Variants in HEATR6 observed in about 807,000 individuals in gnomAD.
HEATR6 encodes the protein HEAT repeat containing 6, also known as HEAT repeat-containing protein 6.
A neutral mutation model predicts 132.8 loss-of-function variants in HEATR6; 106 were observed. The observed-to-expected ratio is 0.80, with a 90% CI of 0.68 to 0.94. The LOEUF is 0.94. HEATR6 is among the 40% of genes least tolerant of loss of function. HEATR6 has a pLI of 0.00. For synonymous variants in HEATR6, 529 were observed against 537.8 expected (o/e 0.98, Z 0.23); for missense variants, 1,339 against 1,425.1 (o/e 0.94, Z 0.97).
At chr17:60,062,616 A>G (rs1419314966) in intron 9 of HEATR6, among the ~76,000 whole-genome samples, 1 of 152,178 alleles carries the variant, frequency 6.6e-6, no homozygotes, top group Non-Finnish European at 1.5e-5. Flanking sequence ...TGAAGTTTCC[A>G]TGCAGGGCAC....
In HEATR6 at chr17:60,043,262, C is replaced by T. The variant is rs1906243128; in HGVS notation, c.*301G>A. The T allele has an allele frequency of 1.2e-5, 4 of 338,216 alleles. No homozygotes were observed. The Admixed American group carries it at 1.4e-4, about 12-fold the overall frequency. 21.0% of individuals were successfully genotyped at this position (338,216 alleles called of 1,614,324 possible). A position where few individuals can be genotyped will look rare whatever the true frequency, so the allele number is the denominator to read the frequency against. On this transcript the variant is annotated 3_prime_UTR_variant, in exon 20 of 20. Transcript: ENST00000184956. ...AAATTCTAATTCCGAAATCCTTCTACATTTTTTTTTTCTGAGACTAAATGC... is the reference window on the plus strand; with the variant it reads ...AAATTCTAATTCCGAAATCCTTCTATATTTTTTTTTTCTGAGACTAAATGC...
intron 10 of HEATR6, 114 bp from the exon 11 acceptor site, chr17:60,059,635 C>G (rs1217382703): frequency 1.3e-5 from 9 of 716,954 alleles, no homozygotes; most frequent in Non-Finnish European, 1.2e-5. Context: ...AAATTAGCCC[C>G]CCTTTTTTTT....
Position 60,073,732 on chromosome 17 carries a change from G to C in HEATR6, c.468+14C>G. The C allele has an allele frequency of 1.2e-6, 2 of 1,612,602 alleles. No individual in the cohort carries two copies. The highest frequency in any genetic ancestry group is 1.7e-6 in the Non-Finnish European group (2 of 1,179,226). ...CCTGGCCTTTCAAAGGAAGGATAAAGCACTTTAAACTACCTTTTGACATTT... is the reference window on the plus strand; with the variant it reads ...CCTGGCCTTTCAAAGGAAGGATAAACCACTTTAAACTACCTTTTGACATTT... On this transcript the variant is annotated intron_variant, in intron 3 of 19. Transcript: ENST00000184956.
intron 9 of HEATR6, among the ~76,000 whole-genome samples, chr17:60,065,352 T>C (rs2083235146): frequency 6.6e-6 from 1 of 152,246 alleles, no homozygotes; most frequent in Admixed American, 6.5e-5. Context: ...TCCAACGTAT[T>C]GTGGGTTACC....
chr17:60,058,511 A>G (rs909097835), intron 11 of HEATR6, among the ~76,000 whole-genome samples: 9 of 152,246 alleles, frequency 5.9e-5, no homozygotes, highest in Non-Finnish European at 1.0e-4. Flanking sequence ...TATTTCTGCC[A>G]TGAATGTGAT....
intron 6 of HEATR6, 147 bp downstream of exon 6, chr17:60,070,559 T>C: frequency 3.9e-6 from 2 of 507,790 alleles, no homozygotes; most frequent in Non-Finnish European, 3.5e-6. Flanking sequence ...TAAGTGTCTT[T>C]GAATATGAAC....
rs1413881883 is a variant in HEATR6, at chr17:60,043,776, T to A, written c.3333A>T (p.Lys1111Asn). 1 of 1,614,166 alleles carries A rather than the reference T, an allele frequency of 6.2e-7. No homozygotes were observed. Among genetic ancestry groups the A allele is most frequent in the Admixed American group, 1.7e-5 (1 of 60,018 alleles). ...CAGTGTCATCTCCCTCTGCTCCTGA[T>A]TTTAAAAACTGTAGAATATAGGACT... ...MVQSYILQFLKSGAEGDDTGA... is the reference protein window; with the variant it reads ...MVQSYILQFLNSGAEGDDTGA... Residue 1111 changes from lysine (K) to asparagine (N), a missense_variant, in exon 20 of 20, where the codon AAA (lysine) becomes AAT (asparagine). Coordinates refer to ENST00000184956, the MANE Select transcript of HEATR6 (RefSeq NM_022070.5).
At position 60,072,361 on chromosome 17, in the gene HEATR6, C is replaced by T. The variant is rs369437053; in HGVS notation, c.585-32G>A. The T allele has an allele frequency of 4.0e-5, 50 of 1,238,778 alleles. No homozygotes were observed. The African/African-American group carries it at 7.4e-4, about 18-fold the overall frequency. 76.7% of individuals were successfully genotyped at this position (1,238,778 alleles called of 1,614,324 possible). ...GCATACAGAGAAAACAACTCAAACT[C>T]AGTCTCCTTTAAAATGAGGCTTGCA... On this transcript the variant is annotated intron_variant, in intron 4 of 19. Transcript: ENST00000184956.
intron 6 of HEATR6, 36 bp downstream of exon 6, chr17:60,070,670 C>A (rs1278949674): frequency 3.3e-6 from 4 of 1,222,784 alleles, no homozygotes; most frequent in Non-Finnish European, 4.9e-6. Context: ...TGGGTTGAAA[C>A]AGGAAAGACA....
At chr17:60,067,860 G>A in intron 7 of HEATR6, 128 bp from the exon 8 acceptor site, 4 of 771,712 alleles carry the variant, frequency 5.2e-6, no homozygotes, top group South Asian at 2.0e-5. Context: ...AAGAAGAAAA[G>A]AGAAAAGAAA....
In HEATR6 at chr17:60,044,089, A is replaced by G; in HGVS notation, c.3020T>C (p.Val1007Ala). The G allele has an allele frequency of 6.2e-7, 1 of 1,613,836 alleles. No homozygotes were observed. The highest frequency in any genetic ancestry group is 8.5e-7 in the Non-Finnish European group (1 of 1,179,834). ...TSQAYNALTSVVTSCKNFKVR... is the reference protein window; with the variant it reads ...TSQAYNALTSAVTSCKNFKVR... ...TTTGAAGTTCTTGCATGATGTCACGACCGATGTCAGGGCATTGTAGGCCTG... is the reference window on the plus strand; with the variant it reads ...TTTGAAGTTCTTGCATGATGTCACGGCCGATGTCAGGGCATTGTAGGCCTG... Residue 1007 changes from valine to alanine, a missense_variant, in exon 20 of 20, where the codon GTC becomes GCC. Coordinates refer to ENST00000184956, the MANE Select transcript of HEATR6 (RefSeq NM_022070.5).
Position 60,044,000 on chromosome 17 carries a change from C to G in HEATR6, c.3109G>C (p.Asp1037His), listed in dbSNP as rs746610082. 3 of 1,614,024 alleles carry G rather than the reference C, an allele frequency of 1.9e-6. No homozygotes were observed. Among genetic ancestry groups the G allele is most frequent in the African/African-American group, 1.3e-5 (1 of 74,928 alleles). The change falls in exon 20 of 20, where the codon GAC becomes CAC. Residue 1037 changes from aspartate (D) to histidine (H), a missense_variant. By Grantham distance (81) the Asp-to-His change is moderately conservative. Transcript: ENST00000184956. Reference protein sequence around the residue: ...PGKREQYGSVDQYARIWNALV... With the variant: ...PGKREQYGSVHQYARIWNALV... ...GCATTCCAGATCCGAGCATACTGGT[C>G]AACAGACCCGTACTGCTCTCTCTTC... is the stretch of plus-strand genomic sequence containing the variant.
Position 60,069,789 on chromosome 17 carries a change from T to C in HEATR6, c.861A>G (p.Pro287=), listed in dbSNP as rs767328840. Residue 287 remains proline, a synonymous_variant, in exon 7 of 20, where the codon CCA becomes CCG. Transcript: ENST00000184956. ...GCCCATCATACTGAGGAAGCGGAGTTGGGTATAACACCGTGGGCATCTCTA... is the reference window on the plus strand; with the variant it reads ...GCCCATCATACTGAGGAAGCGGAGTCGGGTATAACACCGTGGGCATCTCTA... ...LNIEMPTVLY[P]TPLPQYDGRT... 1 of 1,614,022 alleles carries C rather than the reference T, an allele frequency of 6.2e-7. No homozygotes were observed. Among genetic ancestry groups the C allele is most frequent in the Non-Finnish European group, 8.5e-7 (1 of 1,179,974 alleles).
chr17:60,067,644 GC>G lies in HEATR6; in HGVS notation c.1027del (p.Ala343ProfsTer9), dbSNP rs1444539989. The G allele has an allele frequency of 6.2e-7, 1 of 1,612,706 alleles. No homozygotes were observed. Among genetic ancestry groups the G allele is most frequent in the South Asian group, 1.1e-5 (1 of 90,814 alleles). ...CACTCTGCCTGTGCCAGTGACTGGG[GC>G]TGCCTCTATTTCACCACTGGATTCC... ...EKESSGEIEA[A>X]PVTGTGRVNL... On this transcript the variant is annotated frameshift_variant, in exon 8 of 20. Transcript: ENST00000184956. LOFTEE classifies it high-confidence loss of function.
At position 60,059,963 on chromosome 17, in the gene HEATR6, C is replaced by T; in HGVS notation, c.1550G>A (p.Arg517Lys). ...PFSVMIACSI[R>K]ELHRCLLLAL... Reference sequence around the variant, plus strand: ...TAACAAAAGACATCTGTGCAACTCTCTAATGCTGCAAGCGATCATTACGGA... The same window carrying T: ...TAACAAAAGACATCTGTGCAACTCTTTAATGCTGCAAGCGATCATTACGGA... Residue 517 changes from arginine to lysine, a missense_variant, in exon 10 of 20, where the codon AGA becomes AAA. Transcript: ENST00000184956. 1.2e-6 allele frequency: 2 copies of T among 1,613,842 alleles called. No individual in the cohort carries two copies. The highest frequency in any genetic ancestry group is 1.7e-5 in the Admixed American group (1 of 59,994).
In HEATR6 at chr17:60,058,781, C is replaced by T. The variant is rs143477049; in HGVS notation, c.1723+641G>A. 3.4e-3 allele frequency among the ~76,000 whole-genome samples: 525 copies of T among 152,298 alleles called. 6 individuals are homozygous for T. Among genetic ancestry groups the T allele is most frequent in the African/African-American group, 0.012 (507 of 41,562 alleles). ...CTTCCCACTATGTCACAGAAAACAT[C>T]CACTATTCCTTCCTTGTTACAATTC... is the stretch of plus-strand genomic sequence containing the variant. On this transcript the variant is annotated intron_variant, in intron 11 of 19. Coordinates refer to ENST00000184956, the MANE Select transcript of HEATR6 (RefSeq NM_022070.5).
intron 14 of HEATR6, among the ~76,000 whole-genome samples, chr17:60,054,187 G>A (rs963801819): frequency 6.6e-6 from 1 of 152,252 alleles, no homozygotes; most frequent in Non-Finnish European, 1.5e-5. Flanking sequence ...CCCAGATACT[G>A]CTCGGTTTTC....
In HEATR6 at chr17:60,072,315, G is replaced by T. The variant is rs115967004; in HGVS notation, c.599C>A (p.Pro200Gln). 3 of 1,604,136 alleles carry T rather than the reference G, an allele frequency of 1.9e-6. No homozygotes were observed. Among genetic ancestry groups the T allele is most frequent in the African/African-American group, 2.7e-5 (2 of 74,626 alleles). ...ATTTTGGTAGGGCTCCTCCAAATAC[G>T]GCTGTCCTGGCACACTAAACGCATA... ...ANLCLSVPGQ[P>Q]YLEEPYQNVC... Residue 200 changes from proline to glutamine, a missense_variant, in exon 5 of 20, where the codon CCG (proline) becomes CAG (glutamine). Coordinates refer to ENST00000184956, the MANE Select transcript of HEATR6 (RefSeq NM_022070.5).
Position 60,078,790 on chromosome 17 carries a change from G to C in HEATR6, c.125C>G (p.Pro42Arg). Residue 42 changes from proline to arginine, a missense_variant, in exon 1 of 20, where the codon CCG (proline) becomes CGG (arginine). By Grantham distance (103) the Pro-to-Arg change is moderately radical. Coordinates refer to ENST00000184956, the MANE Select transcript of HEATR6 (RefSeq NM_022070.5). ...LLSARLCALR[P>R]DDSSSARTEI... ...GGTGCGGGCGGAGCTGCTGTCATCC[G>C]GGCGCAGGGCGCAGAGCCTGGCAGA... 6.3e-7 allele frequency: 1 copy of C among 1,591,130 alleles called. No individual in the cohort carries two copies. Among genetic ancestry groups the C allele is most frequent in the Non-Finnish European group, 8.5e-7 (1 of 1,169,842 alleles).
Sources: gnomAD v4.1 joint callset for allele counts (sites outside exome capture counted in the v4.1 genomes callset) on GRCh38, gnomAD v4.1.1 for gene constraint, MANE v1.5 for transcripts, NCBI Gene and HGNC (gene_info 2026-07-23, HGNC 2026-07-21) for gene names.